Variants in DNAH5 observed in about 807,000 individuals in gnomAD.
The protein encoded by DNAH5 is dynein axonemal heavy chain 5.
A neutral mutation model predicts 518.2 loss-of-function variants in DNAH5; 372 were observed. The observed-to-expected ratio is 0.72, with a 90% CI of 0.66 to 0.78. The LOEUF is 0.78. DNAH5 is among the 30% of genes least tolerant of loss of function. The pLI is 0.00. For synonymous variants in DNAH5, 2,039 were observed against 2,025.9 expected (o/e 1.01, Z -0.17); for missense variants, 5,523 against 5,687.0 (o/e 0.97, Z 0.93).
intron 44 of DNAH5, among the ~76,000 whole-genome samples, chr5:13,811,383 T>C (rs1760687220): frequency 6.6e-6 from 1 of 152,192 alleles, no homozygotes; most frequent in South Asian, 2.1e-4. Context: ...GGGATACCCG[T>C]TGCATGACTT....
chr5:13,968,332 A>G (rs560378201), intron 1 of DNAH5, among the ~76,000 whole-genome samples: 8 of 152,260 alleles, frequency 5.3e-5, no homozygotes, highest in Admixed American at 3.3e-4. Flanking sequence ...TGCTCTGGCT[A>G]GGATTTCCAG....
At chr5:13,785,247 CG>C (rs1755803932) in intron 52 of DNAH5, among the ~76,000 whole-genome samples, 1 of 151,660 alleles carries the variant, frequency 6.6e-6, no homozygotes, top group Non-Finnish European at 1.5e-5. Context: ...CAACAGGGTT[CG>C]GGCTCCTATG....
At chr5:13,705,656 A>G (rs75376300) in intron 76 of DNAH5, among the ~76,000 whole-genome samples, 5,579 of 152,102 alleles carry the variant, frequency 0.037, 354 homozygotes, top group African/African-American at 0.13. Flanking sequence ...CCAGCACCTA[A>G]CAACGTGATC....
intron 26 of DNAH5, 123 bp from the exon 27 acceptor site, chr5:13,866,029 G>T: frequency 2.3e-6 from 2 of 882,200 alleles, no homozygotes; most frequent in Non-Finnish European, 3.7e-6. Flanking sequence ...ATGTAAATAG[G>T]AATACTAAGT....
intron 1 of DNAH5, among the ~76,000 whole-genome samples, chr5:13,983,971 G>A (rs34679300): frequency 8.5e-5 from 13 of 152,280 alleles, no homozygotes; most frequent in South Asian, 2.1e-4. Context: ...TTTCAGTTAC[G>A]TTAGGTGGGA....
intron 1 of DNAH5, among the ~76,000 whole-genome samples, chr5:13,991,559 G>GGAGGAGGAA (rs748374781): frequency 1.3e-5 from 2 of 149,310 alleles, no homozygotes; most frequent in Non-Finnish European, 3.0e-5. Context: ...AGGAAGAGGA[G>GGAGGAGGAA]GAGGAGGAAG....
At position 13,902,042 on chromosome 5, in the gene DNAH5, G is replaced by A; in HGVS notation, c.1730+11C>T. On this transcript the variant is annotated intron_variant, in intron 13 of 78. Coordinates refer to ENST00000265104, the MANE Select transcript of DNAH5 (RefSeq NM_001369.3). ...AATTTTAGAAAATAGACAATTTCTTGAAAATTTTACCTTTCAAATTTCTTC... is the reference window on the plus strand; with the variant it reads ...AATTTTAGAAAATAGACAATTTCTTAAAAATTTTACCTTTCAAATTTCTTC... 1 of 1,558,690 alleles carries A rather than the reference G, an allele frequency of 6.4e-7. No homozygotes were observed.
intron 46 of DNAH5, among the ~76,000 whole-genome samples, chr5:13,808,104 C>T (rs565204174): frequency 6.6e-6 from 1 of 151,900 alleles, no homozygotes; most frequent in East Asian, 1.9e-4. Context: ...GTGGTGTGCA[C>T]CTGTAATCCC....
intron 74 of DNAH5, among the ~76,000 whole-genome samples, chr5:13,715,184 G>A (rs963216554): frequency 1.3e-5 from 2 of 151,996 alleles, no homozygotes; most frequent in African/African-American, 4.8e-5. Context: ...AGGAGAAGCA[G>A]GCAAAAAGAT....
chr5:13,792,269 T>C, intron 49 of DNAH5, 52 bp from the exon 50 acceptor site: 14 of 1,503,414 alleles, frequency 9.3e-6, no homozygotes, highest in Non-Finnish European at 1.3e-5. Flanking sequence ...AGAAATTAAA[T>C]GAAAATGAAA....
intron 47 of DNAH5, among the ~76,000 whole-genome samples, chr5:13,806,801 GA>G (rs200762301): frequency 4.0e-5 from 6 of 150,196 alleles, no homozygotes; most frequent in East Asian, 1.9e-4. Flanking sequence ...GTTTCATTGG[GA>G]AAAAAAAATA....
intron 1 of DNAH5, among the ~76,000 whole-genome samples, chr5:13,938,978 C>A (rs2152021688): frequency 1.3e-5 from 2 of 152,306 alleles, no homozygotes; most frequent in Middle Eastern, 6.8e-3. Context: ...ATATGTGTTT[C>A]TTTTCTTTCT....
intron 1 of DNAH5, among the ~76,000 whole-genome samples, chr5:13,981,945 C>T (rs1204559200): frequency 6.6e-6 from 1 of 152,230 alleles, no homozygotes; most frequent in Admixed American, 6.5e-5. Context: ...AAGGCGTAAG[C>T]TTTACATCCT....
In DNAH5 at chr5:13,701,311, G is replaced by A. The variant is rs1349698042; in HGVS notation, c.13464C>T (p.Pro4488=). Residue 4488 remains proline (P), a synonymous_variant, in exon 77 of 79, where the codon CCC becomes CCT. Coordinates refer to ENST00000265104, the MANE Select transcript of DNAH5 (RefSeq NM_001369.3). ...HCFWMTGFFN[P]QGFLTAMRQE... is the part of the protein sequence containing the mutation. ...GTCGCATTGCAGTTAAAAATCCCTGGGGGTTAAAAAAACCCGTCATCCAAA... is the reference window on the plus strand; with the variant it reads ...GTCGCATTGCAGTTAAAAATCCCTGAGGGTTAAAAAAACCCGTCATCCAAA... The A allele has an allele frequency of 6.2e-7, 1 of 1,613,840 alleles. No homozygotes were observed. The highest frequency in any genetic ancestry group is 8.5e-7 in the Non-Finnish European group (1 of 1,179,946).
rs548386174 is a variant in DNAH5 at position 13,795,585 on chromosome 5, G to A, written c.7888-1527C>T. Among the ~76,000 whole-genome samples, 4 of 152,296 alleles carry A rather than the reference G, an allele frequency of 2.6e-5. No individual in the cohort carries two copies. The South Asian group carries it at 8.3e-4, about 32-fold the overall frequency. On this transcript the variant is annotated intron_variant, in intron 47 of 78. Coordinates refer to ENST00000265104, the MANE Select transcript of DNAH5 (RefSeq NM_001369.3). ...AGCCTACCAACCAAAAAAAGTCCAGGACCAGACGGATTCACAGCCAAATTC... is the reference window on the plus strand; with the variant it reads ...AGCCTACCAACCAAAAAAAGTCCAGAACCAGACGGATTCACAGCCAAATTC...
Position 13,885,945 on chromosome 5 carries a change from T to G in DNAH5, c.2743+19A>C. The G allele has an allele frequency of 6.2e-7, 1 of 1,608,806 alleles. No individual in the cohort carries two copies. The highest frequency in any genetic ancestry group is 8.5e-7 in the Non-Finnish European group (1 of 1,177,140). ...AATGTCATAGAAAAACAAGACCCTT[T>G]CATTACCCCATCTCTTACCTGAACT... On this transcript the variant is annotated intron_variant, in intron 18 of 78. Coordinates refer to ENST00000265104, the MANE Select transcript of DNAH5 (RefSeq NM_001369.3).
chr5:13,695,559 T>C (rs1741252893), intron 78 of DNAH5, among the ~76,000 whole-genome samples: 1 of 152,190 alleles, frequency 6.6e-6, no homozygotes, highest in Non-Finnish European at 1.5e-5. Context: ...GGTTTGCATA[T>C]ACCTCATGAC....
intron 75 of DNAH5, among the ~76,000 whole-genome samples, chr5:13,713,124 T>TATATATATATATATATACACAC (rs1554018603): frequency 8.2e-5 from 12 of 146,558 alleles, no homozygotes; most frequent in African/African-American, 2.8e-4. Flanking sequence ...TATATATATA[T>TATATATATATATATATACACAC]ACACACACAC....
At chr5:13,962,765 C>T (rs1305357100) in intron 1 of DNAH5, among the ~76,000 whole-genome samples, 1 of 152,180 alleles carries the variant, frequency 6.6e-6, no homozygotes, top group Non-Finnish European at 1.5e-5. Context: ...CCTACTAAAA[C>T]TGGGCTTGGC....
Sources: gnomAD v4.1 joint callset for allele counts (sites outside exome capture counted in the v4.1 genomes callset) on GRCh38, gnomAD v4.1.1 for gene constraint, MANE v1.5 for transcripts, NCBI Gene and HGNC (gene_info 2026-07-23, HGNC 2026-07-21) for gene names.